EXOC3L2: variants seen among roughly 807,000 people sequenced by gnomAD.
EXOC3L2 encodes the protein exocyst complex component 3 like 2, also known as exocyst complex component 3-like protein 2.
EXOC3L2 carries 17 observed loss-of-function variants against 44.4 expected under a neutral mutation model. That is an observed-to-expected ratio of 0.38 (90% confidence interval 0.26 to 0.57). The LOEUF (loss-of-function observed/expected upper bound fraction) is 0.57, where lower values mean the gene tolerates loss of function less well. Ranked by LOEUF, EXOC3L2 falls within the 20% of genes least tolerant of loss-of-function variation. EXOC3L2 has a pLI of 0.65. For missense variants in EXOC3L2, 541 were observed against 588.4 expected, an observed-to-expected ratio of 0.92 and a Z score of 0.83; for synonymous variants, 256 against 253.7, an observed-to-expected ratio of 1.01 and a Z score of -0.09.
rs1969849591 is a variant in EXOC3L2 at position 45,217,599 on chromosome 19, G to C, written c.1927C>G (p.Arg643Gly). The C allele has an allele frequency of 2.0e-6, 3 of 1,524,282 alleles. No individual in the cohort carries two copies. The highest frequency in any genetic ancestry group is 2.1e-5 in the Admixed American group (1 of 48,176). The allele number at this position is 1,524,282 out of a possible 1,614,324, so 94.4% of individuals were successfully genotyped here. Residue 643 changes from arginine (R) to glycine (G), a missense_variant, in exon 10 of 12, where the codon CGG (arginine) becomes GGG (glycine). Coordinates refer to ENST00000413988, the MANE Select transcript of EXOC3L2 (RefSeq NM_001382422.1). ...LRGRLRCSSA[R>G]TRSRVAGRLR... ...CTGCCGGCCACGCGGCTGCGGGTCC[G>C]CGCCGAGCTGCAGCGCAGGCGCCCA...
chr19:45,232,938 G>A (rs1055389410), intron 3 of EXOC3L2, among the ~76,000 whole-genome samples: 12 of 152,024 alleles, frequency 7.9e-5, no homozygotes, highest in East Asian at 5.8e-4. Flanking sequence ...AAATTAGGCC[G>A]GGCACAGTGG....
At chr19:45,220,088 T>G (rs1599761303) in intron 8 of EXOC3L2, among the ~76,000 whole-genome samples, 2 of 151,886 alleles carry the variant, frequency 1.3e-5, no homozygotes, top group African/African-American at 4.8e-5. Flanking sequence ...CAGTAGAATC[T>G]CTTGAACCTG....
In EXOC3L2 at chr19:45,238,969, C is replaced by T. The variant is rs1384150063; in HGVS notation, c.77G>A (p.Arg26Gln). 6 of 399,008 alleles carry T rather than the reference C, an allele frequency of 1.5e-5. No individual in the cohort carries two copies. Among genetic ancestry groups the T allele is most frequent in the East Asian group, 7.1e-5 (2 of 28,080 alleles). 24.7% of individuals were successfully genotyped at this position (399,008 alleles called of 1,614,324 possible). A position where few individuals can be genotyped will look rare whatever the true frequency, so the allele number is the denominator to read the frequency against. Residue 26 changes from arginine (R) to glutamine (Q), a missense_variant, in exon 2 of 12, where the codon CGG becomes CAG. By Grantham distance (43) the Arg-to-Gln change is conservative. Transcript: ENST00000413988. This position sits in a 1 kb window ranked among gnomAD's most constrained non-coding sequence, Gnocchi z 5.5. ...CCCTGAAACTTCTTCAAAGGGGTTC[C>T]GAGAGGACCTCAGGGGCAGGGTCCC... Reference protein sequence around the residue: ...RAGTLPLRSSRNPFEEVSGLE... With the variant: ...RAGTLPLRSSQNPFEEVSGLE...
intron 4 of EXOC3L2, 88 bp from the exon 5 acceptor site, chr19:45,228,354 G>T: frequency 8.7e-6 from 10 of 1,142,962 alleles, no homozygotes; most frequent in Non-Finnish European, 1.3e-5. Context: ...CAATCCCCTA[G>T]CCCTTAACCC....
At chr19:45,215,785 C>T (rs955015522) in intron 11 of EXOC3L2, among the ~76,000 whole-genome samples, 4 of 152,194 alleles carry the variant, frequency 2.6e-5, no homozygotes, top group South Asian at 2.1e-4. Context: ...GGCTCCCCTG[C>T]GGGCTGGCCC....
intron 8 of EXOC3L2, among the ~76,000 whole-genome samples, chr19:45,223,133 T>C (rs918277453): frequency 6.6e-6 from 1 of 152,054 alleles, no homozygotes; most frequent in Non-Finnish European, 1.5e-5. Flanking sequence ...CTCACACCTA[T>C]AATCCCAGCA....
chr19:45,240,410 G>A (rs1018718084), intron 1 of EXOC3L2, among the ~76,000 whole-genome samples: 4 of 151,898 alleles, frequency 2.6e-5, no homozygotes, highest in South Asian at 2.1e-4. Context: ...AAATCACCTC[G>A]CAGGTCTCTA....
intron 1 of EXOC3L2, among the ~76,000 whole-genome samples, 184 bp downstream of exon 1, chr19:45,245,157 T>C (rs1970159685): frequency 6.6e-6 from 1 of 151,808 alleles, no homozygotes; most frequent in African/African-American, 2.4e-5. Flanking sequence ...CATTTTCATC[T>C]CCTTTCTGCC....
chr19:45,242,861 C>CAAAAAAAAAAA (rs56175442), intron 1 of EXOC3L2, among the ~76,000 whole-genome samples: 1 of 85,634 alleles, frequency 1.2e-5, no homozygotes, highest in Admixed American at 1.5e-4. Flanking sequence ...AACTCCATCT[C>CAAAAAAAAAAA]AAAAAAAAAA....
rs574060666 is a variant in EXOC3L2, at chr19:45,238,395, T to G, written c.523+128A>C. ...AGGTGGGAGATGTGAGTTAGACATG[T>G]GAATTGCAGGTCGGGGTCACAGGTG... On this transcript the variant is annotated intron_variant, in intron 2 of 11. Coordinates refer to ENST00000413988, the MANE Select transcript of EXOC3L2 (RefSeq NM_001382422.1). This position sits in a 1 kb window ranked among gnomAD's most constrained non-coding sequence, Gnocchi z 5.5. 2 of 398,808 alleles carry G rather than the reference T, an allele frequency of 5.0e-6. No individual in the cohort carries two copies. The highest frequency in any genetic ancestry group is 7.1e-5 in the East Asian group (2 of 28,054). 24.7% of individuals were successfully genotyped at this position (398,808 alleles called of 1,614,324 possible).
At chr19:45,216,019 G>T (rs1191037176) in intron 11 of EXOC3L2, 54 bp downstream of exon 11, 2 of 1,602,184 alleles carry the variant, frequency 1.2e-6, no homozygotes, top group East Asian at 2.2e-5. Flanking sequence ...TGCCAAGGCC[G>T]CCAGGAGACC....
chr19:45,231,705 A>C, intron 4 of EXOC3L2, 58 bp downstream of exon 4: 1 of 1,474,188 alleles, frequency 6.8e-7, no homozygotes, highest in Non-Finnish European at 9.4e-7. Context: ...TCCCAAGCCC[A>C]CTGTGACCCC....
At chr19:45,224,706 C>G in intron 8 of EXOC3L2, 72 bp downstream of exon 8, 2 of 1,505,498 alleles carry the variant, frequency 1.3e-6, no homozygotes, top group South Asian at 2.6e-5. Flanking sequence ...CTAAAAGGAA[C>G]TGGAGGATGG....
intron 2 of EXOC3L2, among the ~76,000 whole-genome samples, chr19:45,235,994 G>A (rs1199735272): frequency 2.6e-5 from 4 of 152,052 alleles, no homozygotes; most frequent in Non-Finnish European, 5.9e-5. Context: ...GGATAGGGCC[G>A]GAGGTGAGGA....
At chr19:45,243,003 A>T (rs1454994960) in intron 1 of EXOC3L2, among the ~76,000 whole-genome samples, 1 of 151,962 alleles carries the variant, frequency 6.6e-6, no homozygotes, top group Non-Finnish European at 1.5e-5. Context: ...GTAGATTTTT[A>T]TCCCATGCTC....
intron 8 of EXOC3L2, among the ~76,000 whole-genome samples, chr19:45,223,068 C>CAT (rs1359659763): frequency 6.6e-6 from 1 of 152,094 alleles, no homozygotes; most frequent in African/African-American, 2.4e-5. Context: ...GCCTGGGCAA[C>CAT]ATAGTGAGAC....
intron 7 of EXOC3L2, among the ~76,000 whole-genome samples, chr19:45,227,055 C>T (rs1969971095): frequency 6.8e-6 from 1 of 147,204 alleles, no homozygotes; most frequent in Non-Finnish European, 1.5e-5. Flanking sequence ...GCCTGGCCCC[C>T]ATCTCTCTCT....
chr19:45,220,837 T>C (rs773243634), intron 8 of EXOC3L2, among the ~76,000 whole-genome samples: 1 of 143,684 alleles, frequency 7.0e-6, no homozygotes, highest in Non-Finnish European at 1.5e-5. Flanking sequence ...GTAGAAATGA[T>C]GGAGGAGGCT....
Position 45,213,120 on chromosome 19 carries a change from A to G in EXOC3L2, c.2358T>C (p.Cys786=). ...LSRLARPSLA[C]LPRPRPPSLA... ...GAGACGGAGGCCGGGGCCGAGGCAG[A>G]CAGGCCAAACTGGGCCTGGCCAGCC... The change falls in exon 12 of 12, where the codon TGT becomes TGC. Residue 786 remains cysteine (C), a synonymous_variant. Coordinates refer to ENST00000413988, the MANE Select transcript of EXOC3L2 (RefSeq NM_001382422.1). 6.4e-7 allele frequency: 1 copy of G among 1,557,558 alleles called. No homozygotes were observed. The highest frequency in any genetic ancestry group is 2.3e-5 in the East Asian group (1 of 43,126).
Sources: allele counts gnomAD v4.1 joint callset (sites outside exome capture counted in the v4.1 genomes callset), GRCh38; gene constraint gnomAD v4.1.1; non-coding constraint Gnocchi (gnomAD v3.1); transcripts MANE v1.5; gene names NCBI Gene and HGNC (gene_info 2026-07-23, HGNC 2026-07-21).